The following APP variants were observed in gnomAD, a reference collection of about 807,000 sequenced individuals.
The protein encoded by APP is amyloid beta precursor protein.
In APP, 31 loss-of-function variants were observed where a neutral mutation model predicts 101.4. The ratio of observed to expected loss-of-function variants is 0.31; its 90% confidence interval spans 0.23 to 0.41. The LOEUF is 0.41. Ranked by LOEUF, APP falls within the 10% of genes least tolerant of loss-of-function variation. The probability of loss-of-function intolerance (pLI) is 1.00; values close to 1 mark genes in which losing one functional copy is unlikely to be tolerated. For synonymous variants in APP, 366 were observed against 364.4 expected, an observed-to-expected ratio of 1.00 and a Z score of -0.05; for missense variants, 839 against 1,003.7, an observed-to-expected ratio of 0.84 and a Z score of 2.22.
chr21:26,012,154 T>C (rs778320814), intron 6 of APP, among the ~76,000 whole-genome samples: 2 of 151,878 alleles, frequency 1.3e-5, no homozygotes, highest in Non-Finnish European at 2.9e-5. Flanking sequence ...ACTATAAGCC[T>C]GTGACACTAC....
At chr21:26,163,360 A>G (rs1229038439) in intron 1 of APP, among the ~76,000 whole-genome samples, 1 of 152,152 alleles carries the variant, frequency 6.6e-6, no homozygotes, top group African/African-American at 2.4e-5. Context: ...AAAAGGAACC[A>G]TCTGGAAATT....
intron 11 of APP, among the ~76,000 whole-genome samples, chr21:25,972,331 A>T (rs941131762): frequency 2.6e-5 from 4 of 152,204 alleles, no homozygotes; most frequent in African/African-American, 9.7e-5. Flanking sequence ...CTGTAAAAAC[A>T]GAAAAAAAAG....
intron 3 of APP, among the ~76,000 whole-genome samples, chr21:26,063,547 G>A (rs1438951393): frequency 6.6e-6 from 1 of 151,906 alleles, no homozygotes; most frequent in East Asian, 1.9e-4. Context: ...AAGAGGCTAT[G>A]TCAAATGAGC....
chr21:26,163,942 G>A (rs1045116218), intron 1 of APP, among the ~76,000 whole-genome samples: 1 of 152,192 alleles, frequency 6.6e-6, no homozygotes, highest in Non-Finnish European at 1.5e-5. Flanking sequence ...AACATGGCTG[G>A]TTACACAAAT....
intron 13 of APP, among the ~76,000 whole-genome samples, chr21:25,935,839 C>A (rs1197333316): frequency 7.4e-3 from 571 of 76,898 alleles, no homozygotes; most frequent in East Asian, 0.011. Context: ...GACTCTGTCT[C>A]AAAAAAAAAA....
At chr21:26,025,163 T>C (rs1340776641) in intron 5 of APP, among the ~76,000 whole-genome samples, 1 of 152,220 alleles carries the variant, frequency 6.6e-6, no homozygotes, top group East Asian at 1.9e-4. Context: ...TACGTGGGGC[T>C]ACATTTCAAA....
chr21:25,989,801 G>A (rs2042784892), intron 8 of APP, among the ~76,000 whole-genome samples: 1 of 152,068 alleles, frequency 6.6e-6, no homozygotes, highest in Admixed American at 6.6e-5. Context: ...AGGAGACAAG[G>A]AGGATCATTT....
intron 3 of APP, among the ~76,000 whole-genome samples, chr21:26,060,884 C>T (rs777959015): frequency 4.6e-5 from 7 of 152,138 alleles, no homozygotes; most frequent in African/African-American, 1.4e-4. Flanking sequence ...AGTGGGCAAG[C>T]GAGTGAGTGA....
intron 1 of APP, among the ~76,000 whole-genome samples, chr21:26,163,239 C>CAAAAAA: frequency 1.7e-5 from 1 of 58,828 alleles, no homozygotes; most frequent in Non-Finnish European, 3.2e-5. Flanking sequence ...AACTCAGTCT[C>CAAAAAA]AAAAAAAAAA....
intron 8 of APP, among the ~76,000 whole-genome samples, chr21:25,983,381 A>G (rs1201759736): frequency 6.6e-6 from 1 of 152,226 alleles, no homozygotes; most frequent in Non-Finnish European, 1.5e-5. Flanking sequence ...CAATTGTTTC[A>G]TTCAAAAGGT....
chr21:26,106,375 T>C (rs1045121881), intron 2 of APP, among the ~76,000 whole-genome samples: 1 of 152,112 alleles, frequency 6.6e-6, no homozygotes, highest in Non-Finnish European at 1.5e-5. Flanking sequence ...ATATATAAAA[T>C]ACAAATTGTT....
At chr21:25,962,617 A>C (rs2041628491) in intron 11 of APP, among the ~76,000 whole-genome samples, 1 of 152,216 alleles carries the variant, frequency 6.6e-6, no homozygotes, top group African/African-American at 2.4e-5. Context: ...GTGCTTGGGT[A>C]CTTTAGAAAG....
intron 3 of APP, among the ~76,000 whole-genome samples, chr21:26,086,182 T>A (rs1314874767): frequency 6.6e-6 from 1 of 152,182 alleles, no homozygotes; most frequent in Non-Finnish European, 1.5e-5. Context: ...ATGATGTGCT[T>A]GAATCACACA....
At chr21:25,973,895 G>C (rs954695935) in intron 11 of APP, among the ~76,000 whole-genome samples, 1 of 143,918 alleles carries the variant, frequency 6.9e-6, no homozygotes, top group Non-Finnish European at 1.5e-5. Flanking sequence ...AGCTGAGATT[G>C]CACCACTGCA....
Position 26,143,520 on chromosome 21 carries a change from G to C in APP, c.57+27044C>G, listed in dbSNP as rs557347715. Among the ~76,000 whole-genome samples, 3 of 152,268 alleles carry C rather than the reference G, an allele frequency of 2.0e-5. No individual in the cohort carries two copies. In the East Asian group the frequency reaches 5.8e-4, roughly 29 times the overall value. On this transcript the variant is annotated intron_variant, in intron 1 of 17. Coordinates refer to ENST00000346798, the MANE Select transcript of APP (RefSeq NM_000484.4). ...ACTGTGAAATGATTATCACAATCAAGCTAATTAACATATCCATCACCTCAG... is the reference window on the plus strand; with the variant it reads ...ACTGTGAAATGATTATCACAATCAACCTAATTAACATATCCATCACCTCAG...
chr21:25,899,456 A>T (rs1397677594), intron 15 of APP, among the ~76,000 whole-genome samples: 1 of 152,198 alleles, frequency 6.6e-6, no homozygotes, highest in Admixed American at 6.5e-5. Context: ...GGGCCAAAAA[A>T]GGCACTAAAA....
At chr21:25,969,893 T>G (rs1220051156) in intron 11 of APP, among the ~76,000 whole-genome samples, 29 of 2,354 alleles carry the variant, frequency 0.012, no homozygotes, top group Non-Finnish European at 0.02. Context: ...AAAGAGAAGA[T>G]TAGAGAAGAG....
intron 13 of APP, among the ~76,000 whole-genome samples, chr21:25,952,866 T>G (rs1343598160): frequency 6.6e-6 from 1 of 152,250 alleles, no homozygotes; most frequent in Non-Finnish European, 1.5e-5. Context: ...TTACACTTAT[T>G]TAATACATAG....
intron 17 of APP, among the ~76,000 whole-genome samples, chr21:25,891,232 G>GGT: frequency 1.3e-5 from 2 of 151,354 alleles, no homozygotes; most frequent in Admixed American, 1.3e-4. Flanking sequence ...AAACTTTAAA[G>GGT]GTAAGAGTCT....
Sources: gnomAD v4.1 joint callset for allele counts (sites outside exome capture counted in the v4.1 genomes callset) on GRCh38, gnomAD v4.1.1 for gene constraint, MANE v1.5 for transcripts, NCBI Gene and HGNC (gene_info 2026-07-23, HGNC 2026-07-21) for gene names.